Variants in SEC61B observed in about 807,000 individuals in gnomAD.
SEC61B encodes the protein protein transport protein Sec61 subunit beta.
A neutral mutation model predicts 12.6 loss-of-function variants in SEC61B; 7 were observed. The ratio of observed to expected loss-of-function variants is 0.55; its 90% CI spans 0.32 to 1.04. The LOEUF (loss-of-function observed/expected upper bound fraction) is 1.04. SEC61B is among the 50% of genes least tolerant of loss of function. The pLI is 0.05. For synonymous variants in SEC61B, 54 were observed against 50.1 expected (o/e 1.08, Z -0.33); for missense variants, 107 against 130.1 (o/e 0.82, Z 0.86).
Position 99,222,767 on chromosome 9 carries a change from G to A in SEC61B, c.101+124G>A, listed in dbSNP as rs528699973. Reference sequence around the variant, plus strand: ...AGGCAAAATGAGCTTCTAGTGACGTGGCCGTGGGAGTAGTTAAAGGCCTTT... The same window carrying A: ...AGGCAAAATGAGCTTCTAGTGACGTAGCCGTGGGAGTAGTTAAAGGCCTTT... On this transcript the variant is annotated intron_variant, in intron 2 of 3. Coordinates refer to ENST00000223641, the MANE Select transcript of SEC61B (RefSeq NM_006808.3). 23 of 692,070 alleles carry A rather than the reference G, an allele frequency of 3.3e-5. No individual in the cohort carries two copies. The African/African-American group carries it at 4.0e-4, about 12-fold the overall frequency. 42.9% of individuals were successfully genotyped at this position (692,070 alleles called of 1,614,324 possible).
chr9:99,226,465 G>C (rs1371838782), intron 2 of SEC61B, among the ~76,000 whole-genome samples: 1 of 152,150 alleles, frequency 6.6e-6, no homozygotes, highest in Non-Finnish European at 1.5e-5. Flanking sequence ...CAAAAATCCA[G>C]AATCATCAGC....
At chr9:99,227,280 A>C (rs975099697) in intron 2 of SEC61B, among the ~76,000 whole-genome samples, 7 of 151,232 alleles carry the variant, frequency 4.6e-5, no homozygotes, top group South Asian at 2.1e-4. Flanking sequence ...AAAAAAAAAA[A>C]AAAAAAAAAA....
rs1488214470 is a variant in SEC61B, at chr9:99,227,966, C to T, written c.169C>T (p.Arg57Ter). ...CTCGGCAGGCACCGGGGGGATGTGG[C>T]GATTCTACACAGAAGATTCACCTGG... ...TTSAGTGGMW[R>*]FYTEDSPGLK... Residue 57 changes from arginine to a stop codon, truncating the protein, a stop_gained, in exon 3 of 4, where the codon CGA becomes TGA. Transcript: ENST00000223641. LOFTEE classifies it high-confidence loss of function. 12 of 1,613,822 alleles carry T rather than the reference C, an allele frequency of 7.4e-6. No individual in the cohort carries two copies. The highest frequency in any genetic ancestry group is 1.1e-5 in the South Asian group (1 of 91,040).
chr9:99,226,299 C>A (rs970020538), intron 2 of SEC61B, among the ~76,000 whole-genome samples: 3 of 152,152 alleles, frequency 2.0e-5, no homozygotes, highest in African/African-American at 7.2e-5. Flanking sequence ...GCAGGCTCCC[C>A]GTGCTGTAGA....
chr9:99,223,143 C>T (rs1371579258), intron 2 of SEC61B: 1 of 152,618 alleles, frequency 6.6e-6, no homozygotes, highest in Non-Finnish European at 1.5e-5. Context: ...TCTCTCTAGT[C>T]ATATGCCAGA....
chr9:99,229,751 T>C (rs1232326312), intron 3 of SEC61B, among the ~76,000 whole-genome samples: 1 of 152,206 alleles, frequency 6.6e-6, no homozygotes, highest in Non-Finnish European at 1.5e-5. Flanking sequence ...TGAGATGTTT[T>C]GATACAGGCA....
At chr9:99,225,723 G>C (rs1828886139) in intron 2 of SEC61B, among the ~76,000 whole-genome samples, 1 of 152,186 alleles carries the variant, frequency 6.6e-6, no homozygotes, top group Admixed American at 6.5e-5. Context: ...TAGGGGCTCT[G>C]GTTTTCAAAT....
At position 99,222,616 on chromosome 9, in the gene SEC61B, G is replaced by GGGCGGC. The variant is rs1828842141; in HGVS notation, c.77_82dup (p.Ala26_Ala27dup). On this transcript the variant is annotated inframe_insertion, in exon 2 of 4. Transcript: ENST00000223641. ...TCTCCCAGCAAAGCAGTGGCCGCCC[G>GGGCGGC]GGCGGCGGGATCCACTGTCCGGCAG... 1 of 1,550,812 alleles carries GGGCGGC rather than the reference G, an allele frequency of 6.4e-7. No homozygotes were observed. Among genetic ancestry groups the GGGCGGC allele is most frequent in the East Asian group, 2.4e-5 (1 of 40,974 alleles).
intron 2 of SEC61B, among the ~76,000 whole-genome samples, chr9:99,226,423 C>G (rs1417352630): frequency 6.6e-6 from 1 of 152,304 alleles, no homozygotes; most frequent in South Asian, 2.1e-4. Flanking sequence ...GTTTTCACTT[C>G]TCTTCTTTTC....
Position 99,222,771 on chromosome 9 carries a change from G to A in SEC61B, c.101+128G>A, listed in dbSNP as rs1441779200. 54 of 675,434 alleles carry A rather than the reference G, an allele frequency of 8.0e-5. 1 individual carries two copies. The highest frequency in any genetic ancestry group is 7.7e-4 in the South Asian group (37 of 47,966). The allele number at this position is 675,434 out of a possible 1,614,324, so 41.8% of individuals were successfully genotyped here. ...AAAATGAGCTTCTAGTGACGTGGCC[G>A]TGGGAGTAGTTAAAGGCCTTTTGGG... On this transcript the variant is annotated intron_variant, in intron 2 of 3. Coordinates refer to ENST00000223641, the MANE Select transcript of SEC61B (RefSeq NM_006808.3).
chr9:99,224,289 TG>T (rs1828872769), intron 2 of SEC61B, among the ~76,000 whole-genome samples: 1 of 152,208 alleles, frequency 6.6e-6, no homozygotes, highest in Non-Finnish European at 1.5e-5. Flanking sequence ...TCCCTGTCAT[TG>T]GGATGTTCAT....
chr9:99,230,122 CT>C (rs1828942197), intron 3 of SEC61B, among the ~76,000 whole-genome samples: 1 of 152,158 alleles, frequency 6.6e-6, no homozygotes, highest in South Asian at 2.1e-4. Context: ...AGGACTCATC[CT>C]TTTTAAACAC....
rs183723873 is a variant in SEC61B, at chr9:99,225,135, A to G, written c.101+2492A>G. 1.9e-3 allele frequency among the ~76,000 whole-genome samples: 293 copies of G among 152,366 alleles called. 2 individuals are homozygous for G. The highest frequency in any genetic ancestry group is 0.017 in the Admixed American group (263 of 15,310). On this transcript the variant is annotated intron_variant, in intron 2 of 3. Transcript: ENST00000223641. Reference sequence around the variant, plus strand: ...TATAGACATCAAGGTATTGAGGTCTACTACATGCCAAATGCTGTTTCATCT... The same window carrying G: ...TATAGACATCAAGGTATTGAGGTCTGCTACATGCCAAATGCTGTTTCATCT...
intron 2 of SEC61B, 90 bp from the exon 3 acceptor site, chr9:99,227,809 C>A: frequency 1.2e-6 from 1 of 869,182 alleles, no homozygotes; most frequent in Non-Finnish European, 1.8e-6. Context: ...TTTTTTGATT[C>A]CTTAACTGTG....
Position 99,222,412 on chromosome 9 carries a change from C to T in SEC61B, c.3+46C>T, listed in dbSNP as rs368625403. On this transcript the variant is annotated intron_variant, in intron 1 of 3. Coordinates refer to ENST00000223641, the MANE Select transcript of SEC61B (RefSeq NM_006808.3). ...TCCCCGCCTCTCCCAGAAGCCCTGA[C>T]TCCTCCTGCTTTGCGCCGTGCTTTT... is the stretch of plus-strand genomic sequence containing the variant. The T allele has an allele frequency of 1.4e-4, 223 of 1,613,802 alleles. No homozygotes were observed. In the African/African-American group the frequency reaches 2.8e-3, roughly 20 times the overall value.
In SEC61B at chr9:99,230,403, G is replaced by A; in HGVS notation, c.270G>A (p.Trp90Ter). ...FIASVFMLHI[W>*]GKYTRS is the part of the protein sequence containing the mutation. ...CTTCTGTATTTATGTTGCACATTTG[G>A]GGCAAGTACACTCGTTCGTAGATTC... The change falls in exon 4 of 4, where the codon TGG becomes TGA. Residue 90 changes from tryptophan to a stop codon, truncating the protein, a stop_gained. Transcript: ENST00000223641. LOFTEE classifies it high-confidence loss of function. 6.2e-7 allele frequency: 1 copy of A among 1,608,922 alleles called. No homozygotes were observed. The highest frequency in any genetic ancestry group is 1.7e-5 in the Admixed American group (1 of 59,660).
rs1213395339 is a variant in SEC61B at position 99,225,250 on chromosome 9, A to C, written c.101+2607A>C. Among the ~76,000 whole-genome samples, 3 of 152,332 alleles carry C rather than the reference A, an allele frequency of 2.0e-5. No individual in the cohort carries two copies. The East Asian group carries it at 5.8e-4, about 29-fold the overall frequency. On this transcript the variant is annotated intron_variant, in intron 2 of 3. Transcript: ENST00000223641. ...GGAGATCAAACGCAAGGAAAATAAG[A>C]CAATGTAATTTCAGGCAATAAGGGC... is the stretch of plus-strand genomic sequence containing the variant.
intron 3 of SEC61B, among the ~76,000 whole-genome samples, 155 bp from the exon 4 acceptor site, chr9:99,230,182 T>C (rs532230839): frequency 4.9e-4 from 75 of 152,320 alleles, no homozygotes; most frequent in Middle Eastern, 3.4e-3. Flanking sequence ...AATAATAATT[T>C]TAGAAATATT....
In SEC61B at chr9:99,222,337, C is replaced by T. The variant is rs778509054; in HGVS notation, c.-27C>T. 3 of 1,614,208 alleles carry T rather than the reference C, an allele frequency of 1.9e-6. No individual in the cohort carries two copies. The highest frequency in any genetic ancestry group is 2.5e-6 in the Non-Finnish European group (3 of 1,180,030). Reference sequence around the variant, plus strand: ...TCCGTAACTTTCTATCCGTCCGCGTCAGCGCCTTGCCACCCTCATCTCCAA... The same window carrying T: ...TCCGTAACTTTCTATCCGTCCGCGTTAGCGCCTTGCCACCCTCATCTCCAA... On this transcript the variant is annotated 5_prime_UTR_variant, in exon 1 of 4. Coordinates refer to ENST00000223641, the MANE Select transcript of SEC61B (RefSeq NM_006808.3).
Sources: gnomAD v4.1 joint callset for allele counts (sites outside exome capture counted in the v4.1 genomes callset) on GRCh38, gnomAD v4.1.1 for gene constraint, MANE v1.5 for transcripts, NCBI Gene and HGNC (gene_info 2026-07-23, HGNC 2026-07-21) for gene names.